The following CMIP variants were observed in gnomAD, a reference collection of about 807,000 sequenced individuals.
CMIP encodes the protein C-Maf-inducing protein.
CMIP carries 13 observed loss-of-function variants against 97.3 expected under a neutral mutation model. The ratio of observed to expected loss-of-function variants is 0.13; its 90% CI spans 0.09 to 0.21. The LOEUF is 0.21. Ranked by LOEUF, CMIP falls within the 10% of genes least tolerant of loss-of-function variation. The probability of loss-of-function intolerance (pLI) is 1.00; values close to 1 mark genes in which losing one functional copy is unlikely to be tolerated. For missense variants in CMIP, 847 were observed against 1,024.9 expected (o/e 0.83, Z 2.37); for synonymous variants, 538 against 436.3 (o/e 1.23, Z -2.91).
At chr16:81,516,716 C>T (rs2089921248) in intron 1 of CMIP, among the ~76,000 whole-genome samples, 1 of 152,204 alleles carries the variant, frequency 6.6e-6, no homozygotes, top group Non-Finnish European at 1.5e-5. Flanking sequence ...GGGCTGGGAC[C>T]AGGGCTGGCT....
chr16:81,632,027 C>A (rs1030320548), intron 3 of CMIP: 15 of 152,194 alleles, frequency 9.9e-5, no homozygotes. Context: ...CTCTTAACTT[C>A]TTTTAAATTG....
chr16:81,475,867 G>A (rs772211452), intron 1 of CMIP, among the ~76,000 whole-genome samples: 1 of 151,932 alleles, frequency 6.6e-6, no homozygotes, highest in Non-Finnish European at 1.5e-5. Context: ...GGCGCCTGTA[G>A]TCTCAGCTAC....
chr16:81,579,372 C>G (rs1396872811), intron 1 of CMIP, among the ~76,000 whole-genome samples: 2 of 152,198 alleles, frequency 1.3e-5, no homozygotes, highest in Non-Finnish European at 2.9e-5. Flanking sequence ...TGAGCCACCA[C>G]AAATCCAGCC....
rs751609678 is a variant in CMIP at position 81,491,052 on chromosome 16, C to T, written c.300+45511C>T. Among the ~76,000 whole-genome samples, 45 of 152,194 alleles carry T rather than the reference C, an allele frequency of 3.0e-4. No individual in the cohort carries two copies. In the Middle Eastern group the frequency reaches 0.01, roughly 35 times the overall value. On this transcript the variant is annotated intron_variant, in intron 1 of 20. Coordinates refer to ENST00000537098, the MANE Select transcript of CMIP (RefSeq NM_198390.3). ...TGCTTGACTGCATAGCCTTGGCTCT[C>T]GTTGGGCTGCGCGGGCTGAGCTGAG...
intron 1 of CMIP, among the ~76,000 whole-genome samples, chr16:81,512,297 GT>G (rs940353875): frequency 3.3e-5 from 5 of 152,180 alleles, no homozygotes; most frequent in East Asian, 1.9e-4. Context: ...TCATGCCTTG[GT>G]GGGGGTCTTT....
rs2091921651 is a variant in CMIP, at chr16:81,616,576, C to G, written c.427-4300C>G. 6.6e-6 allele frequency among the ~76,000 whole-genome samples: 1 copy of G among 152,238 alleles called. No homozygotes were observed. Among genetic ancestry groups the G allele is most frequent in the Non-Finnish European group, 1.5e-5 (1 of 68,048 alleles). On this transcript the variant is annotated intron_variant, in intron 2 of 20. Coordinates refer to ENST00000537098, the MANE Select transcript of CMIP (RefSeq NM_198390.3). This position sits in a 1 kb window ranked among gnomAD's most constrained non-coding sequence, Gnocchi z 4.7. ...TGTGTCATACCTGTTTAGCTGGGAT[C>G]TGCAAACTAAACCTGCCTTCTTGAA...
chr16:81,495,460 C>T, intron 1 of CMIP: 1 of 1,612,534 alleles, frequency 6.2e-7, no homozygotes, highest in Non-Finnish European at 8.5e-7. Flanking sequence ...GATCTCCGCC[C>T]TGGCGTCCGG....
Position 81,614,777 on chromosome 16 carries a change from A to G in CMIP, c.427-6099A>G, listed in dbSNP as rs2091886113. On this transcript the variant is annotated intron_variant, in intron 2 of 20. Coordinates refer to ENST00000537098, the MANE Select transcript of CMIP (RefSeq NM_198390.3). The surrounding 1 kb of genome is among the most constrained non-coding windows in gnomAD (Gnocchi z 5.3). The stretch of plus-strand genomic sequence containing the variant: ...TGTCTATGTCTGTGGTGTGTGTGGT[A>G]TGTGTGCATGTGTGTGCCTGATATG... Among the ~76,000 whole-genome samples the G allele has an allele frequency of 6.8e-6, 1 of 147,854 alleles. No homozygotes were observed. The highest frequency in any genetic ancestry group is 2.5e-5 in the African/African-American group (1 of 39,706).
At chr16:81,587,930 C>T (rs1183966535) in intron 1 of CMIP, among the ~76,000 whole-genome samples, 5 of 152,188 alleles carry the variant, frequency 3.3e-5, no homozygotes, top group Non-Finnish European at 5.9e-5. Flanking sequence ...TCCTGGAAAC[C>T]CTCCATGGAA....
At chr16:81,699,246 A>G (rs1173880118) in intron 14 of CMIP, among the ~76,000 whole-genome samples, 1 of 151,852 alleles carries the variant, frequency 6.6e-6, no homozygotes, top group Non-Finnish European at 1.5e-5. Context: ...ATAGAGCGAG[A>G]CTCCATCTCA....
chr16:81,452,885 GTTT>G (rs558606255), intron 1 of CMIP, among the ~76,000 whole-genome samples: 36,337 of 128,874 alleles, frequency 0.28, 3,887 homozygotes, highest in East Asian at 0.4. Context: ...TTTTTGTTTT[GTTT>G]TTTTTTTTTT....
At chr16:81,582,259 C>G (rs2091308647) in intron 1 of CMIP, among the ~76,000 whole-genome samples, 1 of 152,180 alleles carries the variant, frequency 6.6e-6, no homozygotes, top group African/African-American at 2.4e-5. Context: ...CATGTCAAGC[C>G]TCTTCCCCAA....
At chr16:81,536,013 G>C (rs2150830817) in intron 1 of CMIP, among the ~76,000 whole-genome samples, 1 of 152,280 alleles carries the variant, frequency 6.6e-6, no homozygotes, top group Middle Eastern at 3.4e-3. Context: ...CCTCTTGTCT[G>C]CTGTGTGCTG....
intron 1 of CMIP, among the ~76,000 whole-genome samples, chr16:81,497,581 A>C (rs2089514434): frequency 6.6e-6 from 1 of 152,190 alleles, no homozygotes; most frequent in Non-Finnish European, 1.5e-5. Context: ...AGTCACTCTA[A>C]TAACCCATCT....
chr16:81,498,834 C>T (rs991425431), intron 1 of CMIP, among the ~76,000 whole-genome samples: 2 of 152,198 alleles, frequency 1.3e-5, no homozygotes, highest in African/African-American at 4.8e-5. Flanking sequence ...TGCGTGTGCA[C>T]ACAGTCCCAG....
At chr16:81,669,080 TTCCACATCCACCTCACACC>T (rs1271418115) in intron 7 of CMIP, among the ~76,000 whole-genome samples, 1 of 112,360 alleles carries the variant, frequency 8.9e-6, no homozygotes, top group East Asian at 3.2e-4. Context: ...ACTCACCTCC[TTCCACATCCACCTCACACC>T]TCCACACCCA....
intron 9 of CMIP, among the ~76,000 whole-genome samples, chr16:81,677,033 A>G (rs1279182629): frequency 6.6e-6 from 1 of 152,196 alleles, no homozygotes; most frequent in African/African-American, 2.4e-5. Context: ...ACTCATGTCC[A>G]GGTCGCATCC....
chr16:81,635,748 A>C (rs543021018), intron 3 of CMIP, among the ~76,000 whole-genome samples: 69 of 152,192 alleles, frequency 4.5e-4, no homozygotes, highest in Middle Eastern at 6.8e-3. Context: ...ATAAATAAGG[A>C]GTTTTCAGGG....
At chr16:81,668,170 A>G (rs1012572722) in intron 7 of CMIP, among the ~76,000 whole-genome samples, 10 of 152,048 alleles carry the variant, frequency 6.6e-5, no homozygotes, top group Non-Finnish European at 1.3e-4. Flanking sequence ...AATGGGTTCC[A>G]CTGAGATGGG....
Sources: allele counts gnomAD v4.1 joint callset (sites outside exome capture counted in the v4.1 genomes callset), GRCh38; gene constraint gnomAD v4.1.1; non-coding constraint Gnocchi (gnomAD v3.1); transcripts MANE v1.5; gene names NCBI Gene and HGNC (gene_info 2026-07-23, HGNC 2026-07-21).